Variants in KIFC1 observed in about 807,000 individuals in gnomAD.
KIFC1 encodes kinesin family member C1.
Under a neutral mutation model 66.6 loss-of-function variants are expected in KIFC1, and 37 were observed. That is an observed-to-expected ratio of 0.56 (90% CI 0.43 to 0.73). The LOEUF (loss-of-function observed/expected upper bound fraction) is 0.73. Among genes scored for constraint, KIFC1 ranks in the 30% least tolerant of loss-of-function variants. KIFC1 has a pLI of 0.00. For missense variants in KIFC1, 721 were observed against 859.8 expected, an observed-to-expected ratio of 0.84 and a Z score of 2.02; for synonymous variants, 325 against 343.5, an observed-to-expected ratio of 0.95 and a Z score of 0.60.
intron 3 of KIFC1, among the ~76,000 whole-genome samples, chr6:33,402,273 C>T (rs1161734161): frequency 3.3e-5 from 5 of 152,146 alleles, no homozygotes; most frequent in African/African-American, 1.2e-4. Flanking sequence ...GCTATAATGT[C>T]ACTAGGCAAT....
rs924232475 is a variant in KIFC1 at position 33,404,456 on chromosome 6, C to G, written c.756+327C>G. On this transcript the variant is annotated intron_variant, in intron 6 of 10. Coordinates refer to ENST00000428849, the MANE Select transcript of KIFC1 (RefSeq NM_002263.4). This position sits in a 1 kb window ranked among gnomAD's most constrained non-coding sequence, Gnocchi z 4.0. ...CTGTGGTACTCTCTTTCCCTCCTCC[C>G]ATGTCCACTTGACTCCTTCCTGGTG... 3.3e-5 allele frequency among the ~76,000 whole-genome samples: 5 copies of G among 152,184 alleles called. No homozygotes were observed. The highest frequency in any genetic ancestry group is 1.2e-4 in the African/African-American group (5 of 41,432).
At chr6:33,394,948 C>T (rs895982778) in intron 1 of KIFC1, among the ~76,000 whole-genome samples, 1 of 152,004 alleles carries the variant, frequency 6.6e-6, no homozygotes, top group South Asian at 2.1e-4. Context: ...ATGAGGAGGA[C>T]CTGCCAGTGA....
upstream of KIFC1, chr6:33,391,507 A>G (rs1774775294): frequency 1.1e-5 from 2 of 184,822 alleles, no homozygotes; most frequent in African/African-American, 4.8e-5. Flanking sequence ...TCCGGCCGCC[A>G]CCAGTTTCGC....
chr6:33,400,395 C>T lies in KIFC1; in HGVS notation c.250+2008C>T. 2 of 1,600,332 alleles carry T rather than the reference C, an allele frequency of 1.2e-6. No individual in the cohort carries two copies. On this transcript the variant is annotated intron_variant, in intron 3 of 10. Transcript: ENST00000428849. This position sits in a 1 kb window ranked among gnomAD's most constrained non-coding sequence, Gnocchi z 4.3. ...TCAGTTTCACTGTAATCCTCAGGCC[C>T]TTCCAGTCACCCGTTGCCTTGGCAA...
intron 1 of KIFC1, among the ~76,000 whole-genome samples, chr6:33,394,344 G>T (rs1774928804): frequency 6.6e-6 from 1 of 152,224 alleles, no homozygotes; most frequent in Admixed American, 6.5e-5. Flanking sequence ...GATGTGGTAT[G>T]TAGGAGAAAG....
chr6:33,391,490 C>T (rs1318625334), upstream of KIFC1: 1 of 183,656 alleles, frequency 5.4e-6, no homozygotes, highest in Non-Finnish European at 1.2e-5. Context: ...GTCCCCGCCC[C>T]TTCTCCTCCG....
Position 33,405,587 on chromosome 6 carries a change from A to G in KIFC1, c.1492A>G (p.Thr498Ala), listed in dbSNP as rs1336480224. 1.3e-6 allele frequency: 2 copies of G among 1,554,594 alleles called. No individual in the cohort carries two copies. Among genetic ancestry groups the G allele is most frequent in the South Asian group, 1.2e-5 (1 of 83,316 alleles). ...TGCAGGGCCAGGGAGTGAGGAGCTC[A>G]CTGTCACCAATGCTCGATATGTCCC... ...RRAGPGSEEL[T>A]VTNARYVPVS... is the part of the protein sequence containing the mutation. The change falls in exon 7 of 11, where the codon ACT becomes GCT. Residue 498 changes from threonine to alanine, a missense_variant. Transcript: ENST00000428849. The surrounding 1 kb of genome is among the most constrained non-coding windows in gnomAD (Gnocchi z 5.4).
At chr6:33,409,091 G>A (rs980692063) in intron 10 of KIFC1, among the ~76,000 whole-genome samples, 8 of 152,226 alleles carry the variant, frequency 5.3e-5, no homozygotes, top group Middle Eastern at 6.8e-3. Context: ...GCTTGAACCC[G>A]GGAGGTGGAG....
chr6:33,403,391 C>G lies in KIFC1; in HGVS notation c.304+24C>G. ...AGGTAACTGTGCTCAAGAGCTGGGT[C>G]TGAGAAGGGATTTGGGGTATGTGTA... On this transcript the variant is annotated intron_variant, in intron 4 of 10. Transcript: ENST00000428849. This position sits in a 1 kb window ranked among gnomAD's most constrained non-coding sequence, Gnocchi z 4.6. 5 of 1,613,452 alleles carry G rather than the reference C, an allele frequency of 3.1e-6. No homozygotes were observed. The highest frequency in any genetic ancestry group is 4.2e-6 in the Non-Finnish European group (5 of 1,179,408).
Position 33,404,956 on chromosome 6 carries a change from A to G in KIFC1, c.861A>G (p.Glu287=), listed in dbSNP as rs1775563322. The G allele has an allele frequency of 1.2e-6, 2 of 1,614,138 alleles. No individual in the cohort carries two copies. Among genetic ancestry groups the G allele is most frequent in the Non-Finnish European group, 8.5e-7 (1 of 1,180,038 alleles). ...VAQAALLTER[E]ERLHGLEMER... ...AGGCAGCCTTACTGACTGAGCGGGA[A>G]GAACGTCTTCATGGGCTAGAAATGG... is the stretch of plus-strand genomic sequence containing the variant. Residue 287 remains glutamate, a synonymous_variant, in exon 7 of 11, where the codon GAA becomes GAG. Coordinates refer to ENST00000428849, the MANE Select transcript of KIFC1 (RefSeq NM_002263.4). This position sits in a 1 kb window ranked among gnomAD's most constrained non-coding sequence, Gnocchi z 4.0.
In KIFC1 at chr6:33,404,228, C is replaced by A; in HGVS notation, c.756+99C>A. 2.6e-6 allele frequency: 3 copies of A among 1,160,708 alleles called. No homozygotes were observed. The Admixed American group carries it at 7.2e-5, about 28-fold the overall frequency. 71.9% of individuals were successfully genotyped at this position (1,160,708 alleles called of 1,614,324 possible). A position where few individuals can be genotyped will look rare whatever the true frequency, so the allele number is the denominator to read the frequency against. The stretch of plus-strand genomic sequence containing the variant: ...ACCCCTCAAGTCTGGGCTGAGAACT[C>A]CTGAGCACCTATCTTTAGCAGTATA... On this transcript the variant is annotated intron_variant, in intron 6 of 10. Coordinates refer to ENST00000428849, the MANE Select transcript of KIFC1 (RefSeq NM_002263.4). This position sits in a 1 kb window ranked among gnomAD's most constrained non-coding sequence, Gnocchi z 4.0.
In KIFC1 at chr6:33,404,858, C is replaced by T. The variant is rs1775558921; in HGVS notation, c.763C>T (p.Leu255=). ...TGTGTTCTCTTCTGGGCAGAGGAGG[C>T]TGCAGACATCAGAAGCAGCCCTGTC... ...MSQLEEKERR[L]QTSEAALSSS... is the part of the protein sequence containing the mutation. Residue 255 remains leucine, a synonymous_variant, in exon 7 of 11, where the codon CTG becomes TTG. Transcript: ENST00000428849. The surrounding 1 kb of genome is among the most constrained non-coding windows in gnomAD (Gnocchi z 4.0). 1 of 1,606,610 alleles carries T rather than the reference C, an allele frequency of 6.2e-7. No individual in the cohort carries two copies.
chr6:33,398,250 G>GGA, intron 2 of KIFC1, 38 bp from the exon 3 acceptor site: 1 of 1,613,598 alleles, frequency 6.2e-7, no homozygotes, highest in Non-Finnish European at 8.5e-7. Flanking sequence ...AAACCATTAG[G>GGA]GAGGGTGACT....
chr6:33,405,656 T>G lies in KIFC1; in HGVS notation c.1536+25T>G. ...AGTGAGGACCCATGGGCACTGGAAC[T>G]GGGAAATGGGGAGGAGTGGGCAGGG... On this transcript the variant is annotated intron_variant, in intron 7 of 10. Transcript: ENST00000428849. The surrounding 1 kb of genome is among the most constrained non-coding windows in gnomAD (Gnocchi z 5.4). 6.8e-7 allele frequency: 1 copy of G among 1,477,184 alleles called. No individual in the cohort carries two copies. Among genetic ancestry groups the G allele is most frequent in the Non-Finnish European group, 8.9e-7 (1 of 1,117,562 alleles). The allele number at this position is 1,477,184 out of a possible 1,614,324, so 91.5% of individuals were successfully genotyped here.
chr6:33,404,034 AGCAC>A lies in KIFC1; in HGVS notation c.665_668del (p.Thr222ArgfsTer22). ...TGTCCTGGAGCTGGAAGAGCGGCTG[AGCAC>A]GCAGGAGGGCTTGGTGCAAGAGCTT... is the stretch of plus-strand genomic sequence containing the variant. On this transcript the variant is annotated frameshift_variant, in exon 6 of 11. Transcript: ENST00000428849. LOFTEE classifies it high-confidence loss of function. This position sits in a 1 kb window ranked among gnomAD's most constrained non-coding sequence, Gnocchi z 4.0. 1 of 1,614,140 alleles carries A rather than the reference AGCAC, an allele frequency of 6.2e-7. No individual in the cohort carries two copies. The highest frequency in any genetic ancestry group is 8.5e-7 in the Non-Finnish European group (1 of 1,180,020).
rs1298943823 is a variant in KIFC1 at position 33,405,741 on chromosome 6, A to G, written c.1536+110A>G. 1.7e-6 allele frequency: 2 copies of G among 1,183,758 alleles called. No homozygotes were observed. Among genetic ancestry groups the G allele is most frequent in the African/African-American group, 1.5e-5 (1 of 64,862 alleles). 73.3% of individuals were successfully genotyped at this position (1,183,758 alleles called of 1,614,324 possible). On this transcript the variant is annotated intron_variant, in intron 7 of 10. Transcript: ENST00000428849. This position sits in a 1 kb window ranked among gnomAD's most constrained non-coding sequence, Gnocchi z 5.4. Reference sequence around the variant, plus strand: ...AGAGAGAATTGAAGGATGAAGTGCAAGTTATCAGGCTGGGTTACCACATCC... The same window carrying G: ...AGAGAGAATTGAAGGATGAAGTGCAGGTTATCAGGCTGGGTTACCACATCC...
Position 33,404,105 on chromosome 6 carries a change from G to A in KIFC1, c.732G>A (p.Leu244=), listed in dbSNP as rs748384388. Residue 244 remains leucine, a synonymous_variant, in exon 6 of 11, where the codon CTG becomes CTA. Transcript: ENST00000428849. The surrounding 1 kb of genome is among the most constrained non-coding windows in gnomAD (Gnocchi z 4.0). ...AATTGCAGGAAGAACGGAGGGGACT[G>A]ATGTCCCAACTAGAGGAGAAGGAGG... The part of the protein sequence containing the change: ...QVELQEERRG[L]MSQLEEKERR... 9.3e-6 allele frequency: 15 copies of A among 1,612,960 alleles called. No homozygotes were observed. The highest frequency in any genetic ancestry group is 2.2e-5 in the East Asian group (1 of 44,894).
chr6:33,391,795 A>T, upstream of KIFC1: 1 of 696,376 alleles, frequency 1.4e-6, no homozygotes, highest in Non-Finnish European at 2.6e-6. Context: ...CTGCGTGCAG[A>T]GCGCGGTGAG....
chr6:33,393,674 G>A (rs61447009), intron 1 of KIFC1, among the ~76,000 whole-genome samples: 2,042 of 151,338 alleles, frequency 0.013, 49 homozygotes, highest in African/African-American at 0.04. Flanking sequence ...ACTAACTCCT[G>A]GGCTCAAGCA....
Sources: allele counts gnomAD v4.1 joint callset (sites outside exome capture counted in the v4.1 genomes callset), GRCh38; gene constraint gnomAD v4.1.1; non-coding constraint Gnocchi (gnomAD v3.1); transcripts MANE v1.5; gene names NCBI Gene and HGNC (gene_info 2026-07-23, HGNC 2026-07-21).